Variants in SAMHD1 observed in about 807,000 individuals in gnomAD.
SAMHD1 encodes SAM and HD domain containing deoxynucleoside triphosphate triphosphohydrolase 1, also known as deoxynucleoside triphosphate triphosphohydrolase SAMHD1.
Under a neutral mutation model 79.6 loss-of-function variants are expected in SAMHD1, and 54 were observed. The ratio of observed to expected loss-of-function variants is 0.68; its 90% CI spans 0.55 to 0.85. SAMHD1 has a LOEUF of 0.85. Ranked by LOEUF, SAMHD1 falls within the 40% of genes least tolerant of loss-of-function variation. SAMHD1 has a pLI of 0.00. For missense variants in SAMHD1, 663 were observed against 782.7 expected (o/e 0.85, Z 1.82); for synonymous variants, 260 against 264.1 (o/e 0.98, Z 0.15).
rs1601106898 is a variant in SAMHD1 at position 36,891,685 on chromosome 20, G to C, written c.*1247C>G. On this transcript the variant is annotated 3_prime_UTR_variant, in exon 16 of 16. Transcript: ENST00000646673. ...CACTAATTTCAGCACAGGCAGTGCA[G>C]TGTTTGTGCTTTTTTTTTTGGAGAT... is the stretch of plus-strand genomic sequence containing the variant. 6.6e-6 allele frequency: 1 copy of C among 152,530 alleles called. No homozygotes were observed. The highest frequency in any genetic ancestry group is 1.9e-4 in the East Asian group (1 of 5,190). 9.4% of individuals were successfully genotyped at this position (152,530 alleles called of 1,614,324 possible).
intron 6 of SAMHD1, among the ~76,000 whole-genome samples, chr20:36,920,554 G>T (rs1196036793): frequency 6.6e-6 from 1 of 151,858 alleles, no homozygotes; most frequent in Non-Finnish European, 1.5e-5. Flanking sequence ...ATCACTTGAG[G>T]TCAACAGTAC....
chr20:36,898,630 G>C (rs1990242930), intron 13 of SAMHD1, 86 bp from the exon 14 acceptor site: 1 of 1,049,424 alleles, frequency 9.5e-7, no homozygotes, highest in South Asian at 1.3e-5. Context: ...AAATGGAACA[G>C]AGGCCGGGCG....
chr20:36,910,976 T>C (rs2063435555), intron 11 of SAMHD1, among the ~76,000 whole-genome samples: 1 of 152,154 alleles, frequency 6.6e-6, no homozygotes, highest in Non-Finnish European at 1.5e-5. Flanking sequence ...TTCCATCGGC[T>C]GTGTACAGTG....
chr20:36,912,896 T>TG (rs1238013859), intron 9 of SAMHD1, among the ~76,000 whole-genome samples: 3 of 128,332 alleles, frequency 2.3e-5, no homozygotes, highest in Non-Finnish European at 4.8e-5. Flanking sequence ...TTTGTTTTTT[T>TG]TTTTTTTTTT....
In SAMHD1 at chr20:36,937,009, T is replaced by C. The variant is rs556812265; in HGVS notation, c.349-1820A>G. ...TACAAAAATTAGCTGGGCGTGGTGGTGGGCGTCTGTTATCCCAGCTACTCA... is the reference window on the plus strand; with the variant it reads ...TACAAAAATTAGCTGGGCGTGGTGGCGGGCGTCTGTTATCCCAGCTACTCA... On this transcript the variant is annotated intron_variant, in intron 3 of 15. Coordinates refer to ENST00000646673, the MANE Select transcript of SAMHD1 (RefSeq NM_015474.4). Among the ~76,000 whole-genome samples the C allele has an allele frequency of 1.1e-4, 16 of 151,866 alleles. No homozygotes were observed. In the South Asian group the frequency reaches 2.7e-3, roughly 26 times the overall value.
intron 2 of SAMHD1, among the ~76,000 whole-genome samples, chr20:36,944,962 G>C (rs1370698028): frequency 6.6e-6 from 1 of 152,156 alleles, no homozygotes; most frequent in Non-Finnish European, 1.5e-5. Context: ...CTCTAATCTA[G>C]ACCCTAGAAC....
In SAMHD1 at chr20:36,919,476, G is replaced by A; in HGVS notation, c.740C>T (p.Ser247Phe). 6.2e-7 allele frequency: 1 copy of A among 1,613,526 alleles called. No homozygotes were observed. ...TTCCATGACAGGCTTAATTCCATTAGAATTAATAAGGTGCTCAAACATCAT... is the reference window on the plus strand; with the variant it reads ...TTCCATGACAGGCTTAATTCCATTAAAATTAATAAGGTGCTCAAACATCAT... ...SVMMFEHLIN[S>F]NGIKPVMEQY... Residue 247 changes from serine (S) to phenylalanine (F), a missense_variant, in exon 7 of 16, where the codon TCT becomes TTT. Coordinates refer to ENST00000646673, the MANE Select transcript of SAMHD1 (RefSeq NM_015474.4).
chr20:36,944,550 A>AT (rs1325637520), intron 2 of SAMHD1, among the ~76,000 whole-genome samples: 3 of 152,222 alleles, frequency 2.0e-5, no homozygotes, highest in Non-Finnish European at 4.4e-5. Flanking sequence ...AGAGAAGGCC[A>AT]TATTTCCCCA....
chr20:36,939,856 A>G (rs955459254), intron 3 of SAMHD1, among the ~76,000 whole-genome samples: 1 of 152,196 alleles, frequency 6.6e-6, no homozygotes, highest in Non-Finnish European at 1.5e-5. Flanking sequence ...CACTAACAAA[A>G]CAAGAAACAT....
chr20:36,916,443 G>A (rs1459422437), intron 9 of SAMHD1: 1 of 365,556 alleles, frequency 2.7e-6, no homozygotes, highest in African/African-American at 2.1e-5. Flanking sequence ...ACTAGCCTGG[G>A]CAACACAGTG....
At chr20:36,915,942 G>A (rs554673064) in intron 9 of SAMHD1, among the ~76,000 whole-genome samples, 5 of 151,950 alleles carry the variant, frequency 3.3e-5, no homozygotes, top group Non-Finnish European at 5.9e-5. Flanking sequence ...GGCAGATCAC[G>A]AGGTCAAGAG....
chr20:36,913,593 A>G (rs902354839), intron 9 of SAMHD1, among the ~76,000 whole-genome samples: 1 of 147,828 alleles, frequency 6.8e-6, no homozygotes, highest in Non-Finnish European at 1.5e-5. Flanking sequence ...ACAGAGCAAG[A>G]CTCCAACTCA....
chr20:36,948,252 G>A (rs2063707882), intron 1 of SAMHD1, among the ~76,000 whole-genome samples: 1 of 151,600 alleles, frequency 6.6e-6, no homozygotes, highest in Admixed American at 6.6e-5. Flanking sequence ...GATAAAGAGA[G>A]ACTTTTTTTT....
chr20:36,934,099 G>C (rs2063584993), intron 4 of SAMHD1, among the ~76,000 whole-genome samples: 1 of 151,816 alleles, frequency 6.6e-6, no homozygotes, highest in Non-Finnish European at 1.5e-5. Flanking sequence ...CCCAGCCCCT[G>C]TTAGCTTTTA....
intron 13 of SAMHD1, among the ~76,000 whole-genome samples, chr20:36,903,149 G>A (rs2063384583): frequency 6.6e-6 from 1 of 152,128 alleles, no homozygotes; most frequent in African/African-American, 2.4e-5. Context: ...AGGAAGAAAG[G>A]GGTTTGTGGA....
rs561637709 is a variant in SAMHD1, at chr20:36,941,618, G to GTCCTGTGAT, written c.276-516_276-508dup. ...GGGAATTAAATTTGAGCAGCTCGAA[G>GTCCTGTGAT]TCCTGTGATTCATTATCCTGCTTCA... On this transcript the variant is annotated intron_variant, in intron 2 of 15. Coordinates refer to ENST00000646673, the MANE Select transcript of SAMHD1 (RefSeq NM_015474.4). Among the ~76,000 whole-genome samples, 204 of 152,230 alleles carry GTCCTGTGAT rather than the reference G, an allele frequency of 1.3e-3. 2 individuals are homozygous for GTCCTGTGAT. Among genetic ancestry groups the GTCCTGTGAT allele is most frequent in the Non-Finnish European group, 2.4e-3 (163 of 68,016 alleles).
Position 36,893,030 on chromosome 20 carries a change from T to A in SAMHD1, c.1783A>T (p.Lys595Ter). ...DVIAPLITPQ[K>*]KEWNDSTSVQ... ...GAAGTACTGTCGTTCCATTCCTTTT[T>A]TTGAGGTGTTATGAGTGGGGCTATA... Residue 595 changes from lysine (K) to a stop codon, truncating the protein, a stop_gained, in exon 16 of 16, where the codon AAA becomes TAA. Transcript: ENST00000646673. LOFTEE classifies it low-confidence loss of function (END_TRUNC). The A allele has an allele frequency of 6.2e-7, 1 of 1,614,006 alleles. No individual in the cohort carries two copies. The highest frequency in any genetic ancestry group is 8.5e-7 in the Non-Finnish European group (1 of 1,180,028).
Position 36,935,086 on chromosome 20 carries a change from C to T in SAMHD1, c.452G>A (p.Gly151Glu). ...FQRLRYIKQL[G>E]GGYYVFPGAS... ...TCCTGGAAAAACATAGTAACCACCT[C>T]CCAGCTGTTTGATGTATCGAAGACG... The change falls in exon 4 of 16, where the codon GGA becomes GAA. Residue 151 changes from glycine to glutamate, a missense_variant. Physicochemically the swap from Gly to Glu is moderately conservative, Grantham distance 98. Coordinates refer to ENST00000646673, the MANE Select transcript of SAMHD1 (RefSeq NM_015474.4). 1.2e-6 allele frequency: 2 copies of T among 1,614,098 alleles called. No homozygotes were observed. The highest frequency in any genetic ancestry group is 1.7e-6 in the Non-Finnish European group (2 of 1,179,996).
Position 36,941,087 on chromosome 20 carries a change from C to T in SAMHD1, c.300G>A (p.Leu100=), listed in dbSNP as rs1045346655. 1.2e-6 allele frequency: 2 copies of T among 1,613,104 alleles called. No individual in the cohort carries two copies. The highest frequency in any genetic ancestry group is 1.3e-5 in the African/African-American group (1 of 74,890). The change falls in exon 3 of 16, where the codon CTG becomes CTA. Residue 100 remains leucine (L), a synonymous_variant. Transcript: ENST00000646673. Reference sequence around the variant, plus strand: ...GAACCAATCGCTGGATATAACTAAGCAGCTTCTTCCTCTCCCCCAAGGAAC... The same window carrying T: ...GAACCAATCGCTGGATATAACTAAGTAGCTTCTTCCTCTCCCCCAAGGAAC... The part of the protein sequence containing the change: ...GVSSLGERKK[L]LSYIQRLVQI...
Sources: allele counts gnomAD v4.1 joint callset (sites outside exome capture counted in the v4.1 genomes callset), GRCh38; gene constraint gnomAD v4.1.1; transcripts MANE v1.5; gene names NCBI Gene and HGNC (gene_info 2026-07-23, HGNC 2026-07-21).